The following KLF12 variants were observed in gnomAD, a reference collection of about 807,000 sequenced individuals.
KLF12 encodes the protein KLF transcription factor 12.
A neutral mutation model predicts 37.8 loss-of-function variants in KLF12; 9 were observed. The ratio of observed to expected loss-of-function variants is 0.24; its 90% CI spans 0.14 to 0.42. KLF12 has a LOEUF of 0.42. Among genes scored for constraint, KLF12 ranks in the 10% least tolerant of loss-of-function variants. KLF12 has a pLI of 1.00. For missense variants in KLF12, 411 were observed against 516.0 expected (o/e 0.80, Z 1.97); for synonymous variants, 208 against 202.1 (o/e 1.03, Z -0.25).
At chr13:73,898,724 A>G (rs903120784) in intron 3 of KLF12, among the ~76,000 whole-genome samples, 1 of 152,242 alleles carries the variant, frequency 6.6e-6, no homozygotes, top group Non-Finnish European at 1.5e-5. Context: ...AGTACGCCCA[A>G]GAAAGGGTAA....
intron 7 of KLF12, 100 bp from the exon 8 acceptor site, chr13:73,695,771 T>A (rs1874101469): frequency 1.8e-6 from 2 of 1,123,670 alleles, no homozygotes; most frequent in African/African-American, 1.5e-5. Flanking sequence ...CTCAATGAAT[T>A]TTCCCGTTGG....
At chr13:73,768,691 G>C (rs1336441429) in intron 5 of KLF12, among the ~76,000 whole-genome samples, 1 of 152,104 alleles carries the variant, frequency 6.6e-6, no homozygotes, top group Non-Finnish European at 1.5e-5. Flanking sequence ...CTTACTATTT[G>C]CTTGGTATCA....
intron 5 of KLF12, among the ~76,000 whole-genome samples, chr13:73,768,272 A>G (rs1880049789): frequency 6.6e-6 from 1 of 152,206 alleles, no homozygotes; most frequent in Non-Finnish European, 1.5e-5. Flanking sequence ...AAATCTTTAG[A>G]ATGGTGCTCA....
chr13:74,227,556 T>G, the KLF12 span, among the ~76,000 whole-genome samples: 3 of 152,112 alleles, frequency 2.0e-5, no homozygotes, highest in Non-Finnish European at 2.9e-5. Flanking sequence ...TGGCCAAAGT[T>G]TTTTCTATTT....
intron 1 of KLF12, among the ~76,000 whole-genome samples, chr13:74,046,436 T>A (rs1451081306): frequency 2.0e-5 from 3 of 151,916 alleles, no homozygotes; most frequent in African/African-American, 7.2e-5. Context: ...AAAATAAATT[T>A]AAAAATAAAT....
At chr13:73,979,658 A>G (rs1891638763) in intron 2 of KLF12, among the ~76,000 whole-genome samples, 1 of 152,202 alleles carries the variant, frequency 6.6e-6, no homozygotes, top group East Asian at 1.9e-4. Context: ...AATCATTATG[A>G]AATAAACTAA....
At chr13:73,715,803 T>A (rs1240974574) in intron 6 of KLF12, among the ~76,000 whole-genome samples, 1 of 152,178 alleles carries the variant, frequency 6.6e-6, no homozygotes, top group Non-Finnish European at 1.5e-5. Flanking sequence ...GGTAGGTGAG[T>A]ATTTCCTCAT....
chr13:73,926,427 G>C lies in KLF12; in HGVS notation c.123+17554C>G, dbSNP rs138841436. ...AATTAAGGTATATACATTGTTTTTA[G>C]ATGTAATGGTCTTGCACACTTAATA... is the stretch of plus-strand genomic sequence containing the variant. On this transcript the variant is annotated intron_variant, in intron 3 of 7. Transcript: ENST00000377669. Among the ~76,000 whole-genome samples the C allele has an allele frequency of 3.5e-3, 528 of 152,246 alleles. 5 individuals are homozygous for C. Among genetic ancestry groups the C allele is most frequent in the African/African-American group, 0.012 (484 of 41,550 alleles).
Position 73,907,546 on chromosome 13 carries a change from T to G in KLF12, c.123+36435A>C, listed in dbSNP as rs112416306. On this transcript the variant is annotated intron_variant, in intron 3 of 7. Coordinates refer to ENST00000377669, the MANE Select transcript of KLF12 (RefSeq NM_007249.5). ...AAGCTTAACACAAAATGATACTTAA[T>G]TAAGAAATTCAAAAAACATGAAAGA... 7.1e-3 allele frequency among the ~76,000 whole-genome samples: 1,081 copies of G among 152,240 alleles called. 11 individuals are homozygous for G. Among genetic ancestry groups the G allele is most frequent in the African/African-American group, 0.024 (1,008 of 41,526 alleles).
At position 73,821,694 on chromosome 13, in the gene KLF12, G is replaced by A. The variant is rs113471583; in HGVS notation, c.671-8407C>T. ...CCTTGACTTTTTCCCACTGTCTACC[G>A]AATATGGTTCAGCAGCCCTCCGCAT... On this transcript the variant is annotated intron_variant, in intron 4 of 7. Transcript: ENST00000377669. 5.5e-3 allele frequency among the ~76,000 whole-genome samples: 841 copies of A among 152,196 alleles called. 7 individuals carry two copies. The highest frequency in any genetic ancestry group is 0.02 in the African/African-American group (812 of 41,524).
At chr13:74,110,111 G>C (rs1001453963) in intron 1 of KLF12, among the ~76,000 whole-genome samples, 2 of 152,088 alleles carry the variant, frequency 1.3e-5, no homozygotes, top group Non-Finnish European at 2.9e-5. Flanking sequence ...AATGTCACAT[G>C]TTTCTCTGTA....
At chr13:74,142,438 C>T in the KLF12 span, among the ~76,000 whole-genome samples, 2 of 152,190 alleles carry the variant, frequency 1.3e-5, no homozygotes, top group African/African-American at 2.4e-5. Flanking sequence ...GATTCTGTGA[C>T]CTTTGACAGG....
chr13:74,110,618 G>A (rs758638056), intron 1 of KLF12, among the ~76,000 whole-genome samples: 35 of 152,054 alleles, frequency 2.3e-4, no homozygotes, highest in Non-Finnish European at 4.7e-4. Context: ...AGTGCTCAGA[G>A]GGGTAAGCAA....
intron 3 of KLF12, among the ~76,000 whole-genome samples, chr13:73,924,271 GCCTTTTTAACAAATTTTAGGT>G (rs1889269206): frequency 6.6e-6 from 1 of 152,148 alleles, no homozygotes; most frequent in South Asian, 2.1e-4. Context: ...CACATATACT[GCCTTTTTAACAAATTTTAGGT>G]TTAGGGCAAC....
the KLF12 span, among the ~76,000 whole-genome samples, chr13:74,275,966 T>A: frequency 6.6e-6 from 1 of 150,520 alleles, no homozygotes; most frequent in Non-Finnish European, 1.5e-5. Context: ...TTTCTTATTT[T>A]TACTTTACTT....
intron 3 of KLF12, among the ~76,000 whole-genome samples, chr13:73,932,383 T>TAG (rs1410993097): frequency 2.0e-5 from 3 of 152,198 alleles, no homozygotes; most frequent in Admixed American, 2.0e-4. Context: ...TATGATCACC[T>TAG]AGTAAGACAT....
intron 5 of KLF12, among the ~76,000 whole-genome samples, chr13:73,794,733 C>A (rs1011748640): frequency 1.3e-5 from 2 of 152,150 alleles, no homozygotes; most frequent in African/African-American, 4.8e-5. Flanking sequence ...GATCTTTTCA[C>A]CATCTTCAAT....
chr13:74,170,716 T>A, the KLF12 span, among the ~76,000 whole-genome samples: 1 of 152,226 alleles, frequency 6.6e-6, no homozygotes, highest in Non-Finnish European at 1.5e-5. Flanking sequence ...AAAAGGGTGG[T>A]ATGAGAGAGC....
At chr13:74,004,014 C>T (rs1325551955) in intron 1 of KLF12, among the ~76,000 whole-genome samples, 3 of 152,026 alleles carry the variant, frequency 2.0e-5, no homozygotes. Context: ...TGAGAGTAAG[C>T]AGGTTAAGGG....
Sources: allele counts gnomAD v4.1 joint callset (sites outside exome capture counted in the v4.1 genomes callset), GRCh38; gene constraint gnomAD v4.1.1; transcripts MANE v1.5; gene names NCBI Gene and HGNC (gene_info 2026-07-23, HGNC 2026-07-21).